The following RNF169 variants were observed in gnomAD, a reference collection of about 807,000 sequenced individuals.
RNF169 encodes the protein E3 ubiquitin-protein ligase RNF169.
In RNF169, 24 loss-of-function variants were observed where a neutral mutation model predicts 53.9. That is an observed-to-expected ratio of 0.45 (90% CI 0.32 to 0.63). RNF169 has a LOEUF of 0.63. RNF169 is among the 20% of genes least tolerant of loss of function. The probability of loss-of-function intolerance (pLI) is 0.04; values close to 1 mark genes in which losing one functional copy is unlikely to be tolerated. For missense variants in RNF169, 883 were observed against 906.2 expected (o/e 0.97, Z 0.33); for synonymous variants, 396 against 363.5 (o/e 1.09, Z -1.02).
intron 4 of RNF169, among the ~76,000 whole-genome samples, chr11:74,823,523 C>T (rs1244640961): frequency 6.6e-6 from 1 of 152,042 alleles, no homozygotes; most frequent in African/African-American, 2.4e-5. Context: ...ATTGCTTGAG[C>T]TCTGGAGTTT....
intron 2 of RNF169, among the ~76,000 whole-genome samples, chr11:74,793,035 A>G (rs1454145183): frequency 6.6e-6 from 1 of 152,252 alleles, no homozygotes; most frequent in Non-Finnish European, 1.5e-5. Flanking sequence ...ATACAATGGC[A>G]TACTATTCAG....
chr11:74,835,169 G>A (rs2036234746), intron 5 of RNF169, among the ~76,000 whole-genome samples: 1 of 152,096 alleles, frequency 6.6e-6, no homozygotes, highest in Non-Finnish European at 1.5e-5. Context: ...TTTTTTTGTA[G>A]AGATGGGATC....
At chr11:74,762,940 A>G (rs1294586463) in intron 1 of RNF169, among the ~76,000 whole-genome samples, 2 of 152,188 alleles carry the variant, frequency 1.3e-5, no homozygotes, top group African/African-American at 4.8e-5. Flanking sequence ...GTTTTACCAT[A>G]TGCAAAAAGG....
rs771971563 is a variant in RNF169, at chr11:74,834,667, CT to C, written c.843-3del. On this transcript the variant is annotated splice_polypyrimidine_tract_variant and splice_region_variant and intron_variant, in intron 4 of 5. Transcript: ENST00000299563. ...TTTGACTACTCGTTTTTTATTTATT[CT>C]TTTTTAGGAAGCTAAACTCCAAGGT... 189 of 1,597,332 alleles carry C rather than the reference CT, an allele frequency of 1.2e-4. 1 individual carries two copies. Among genetic ancestry groups the C allele is most frequent in the Non-Finnish European group, 1.3e-4 (156 of 1,172,260 alleles).
At chr11:74,772,620 A>G (rs1019009809) in intron 1 of RNF169, among the ~76,000 whole-genome samples, 7 of 152,104 alleles carry the variant, frequency 4.6e-5, no homozygotes, top group African/African-American at 1.7e-4. Flanking sequence ...GACCTTGAGT[A>G]GAGCGTTTAG....
At chr11:74,805,668 G>A (rs1028772396) in intron 2 of RNF169, among the ~76,000 whole-genome samples, 11 of 152,158 alleles carry the variant, frequency 7.2e-5, no homozygotes, top group African/African-American at 1.7e-4. Context: ...GGCACTAACC[G>A]TAAGGTAAAA....
intron 5 of RNF169, among the ~76,000 whole-genome samples, 163 bp from the exon 6 acceptor site, chr11:74,835,383 A>T (rs2036237562): frequency 6.6e-6 from 1 of 152,108 alleles, no homozygotes; most frequent in South Asian, 2.1e-4. Flanking sequence ...GCTAAATGGT[A>T]TGCTTTCTAA....
At chr11:74,794,031 T>C (rs1357153319) in intron 2 of RNF169, among the ~76,000 whole-genome samples, 2 of 152,152 alleles carry the variant, frequency 1.3e-5, no homozygotes, top group African/African-American at 2.4e-5. Context: ...ATTGTGCCCC[T>C]AGTATGTGCT....
chr11:74,764,012 C>G (rs1025396649), intron 1 of RNF169, among the ~76,000 whole-genome samples: 1 of 152,082 alleles, frequency 6.6e-6, no homozygotes, highest in African/African-American at 2.4e-5. Context: ...GCACCTGGTA[C>G]CTAGCAAGAA....
rs188599453 is a variant in RNF169 at position 74,766,883 on chromosome 11, G to C, written c.502+17501G>C. 4.2e-3 allele frequency among the ~76,000 whole-genome samples: 640 copies of C among 152,242 alleles called. 4 individuals are homozygous for C. The highest frequency in any genetic ancestry group is 0.015 in the African/African-American group (611 of 41,524). On this transcript the variant is annotated intron_variant, in intron 1 of 5. Transcript: ENST00000299563. ...AAAACGTTTCCAGACTTGTTTTGGG[G>C]GCTTTTACAACTTGATAACAAAATC... is the stretch of plus-strand genomic sequence containing the variant.
intron 1 of RNF169, among the ~76,000 whole-genome samples, chr11:74,769,869 CA>C (rs1021034130): frequency 1.3e-4 from 20 of 152,180 alleles, no homozygotes; most frequent in Non-Finnish European, 2.8e-4. Flanking sequence ...AATCATGGCA[CA>C]TTACAGCCTC....
At chr11:74,811,708 A>G (rs182439259) in intron 3 of RNF169, among the ~76,000 whole-genome samples, 6 of 152,274 alleles carry the variant, frequency 3.9e-5, no homozygotes, top group East Asian at 1.9e-4. Flanking sequence ...CAGGGTTTCA[A>G]CCTTCCAAAA....
At chr11:74,802,440 G>A (rs2035743532) in intron 2 of RNF169, among the ~76,000 whole-genome samples, 1 of 152,220 alleles carries the variant, frequency 6.6e-6, no homozygotes, top group South Asian at 2.1e-4. Context: ...GAGGTCAGGA[G>A]TTTGAGACCA....
At chr11:74,754,759 G>T (rs1316618371) in intron 1 of RNF169, among the ~76,000 whole-genome samples, 1 of 152,192 alleles carries the variant, frequency 6.6e-6, no homozygotes, top group African/African-American at 2.4e-5. Flanking sequence ...GGTAGAGGTT[G>T]CAGTGAGCCG....
At chr11:74,784,358 A>G (rs2035458140) in intron 1 of RNF169, among the ~76,000 whole-genome samples, 2 of 152,190 alleles carry the variant, frequency 1.3e-5, no homozygotes, top group African/African-American at 2.4e-5. Flanking sequence ...AAGACCACCC[A>G]CAGGTTCACT....
At chr11:74,762,531 C>T (rs1292481794) in intron 1 of RNF169, among the ~76,000 whole-genome samples, 1 of 152,110 alleles carries the variant, frequency 6.6e-6, no homozygotes, top group African/African-American at 2.4e-5. Flanking sequence ...CAGACAGGAC[C>T]CTCAGCTGCA....
chr11:74,754,803 G>A (rs1387432394), intron 1 of RNF169, among the ~76,000 whole-genome samples: 2 of 152,232 alleles, frequency 1.3e-5, no homozygotes, highest in Admixed American at 1.3e-4. Flanking sequence ...CTGGGCGACA[G>A]AGCGAGACTC....
intron 4 of RNF169, among the ~76,000 whole-genome samples, chr11:74,823,793 A>G (rs1754294734): frequency 6.6e-6 from 1 of 151,928 alleles, no homozygotes; most frequent in African/African-American, 2.4e-5. Flanking sequence ...GCATCTAAGG[A>G]ACTCTGTCAG....
chr11:74,790,535 C>T (rs2035564456), intron 2 of RNF169, among the ~76,000 whole-genome samples: 1 of 152,216 alleles, frequency 6.6e-6, no homozygotes. Flanking sequence ...TTGCTTGGGC[C>T]TGCTGGGCTC....
Sources: allele counts gnomAD v4.1 joint callset (sites outside exome capture counted in the v4.1 genomes callset), GRCh38; gene constraint gnomAD v4.1.1; transcripts MANE v1.5; gene names NCBI Gene and HGNC (gene_info 2026-07-23, HGNC 2026-07-21).